Variants in ANTXR1 observed in about 807,000 individuals in gnomAD.
ANTXR1 encodes the protein ANTXR cell adhesion molecule 1, also known as anthrax toxin receptor 1.
In ANTXR1, 19 loss-of-function variants were observed where a neutral mutation model predicts 78.1. The ratio of observed to expected loss-of-function variants is 0.24; its 90% CI spans 0.17 to 0.36. The LOEUF (loss-of-function observed/expected upper bound fraction) is 0.36. ANTXR1 is among the 10% of genes least tolerant of loss of function. ANTXR1 has a pLI of 1.00. For missense variants in ANTXR1, 518 were observed against 718.6 expected (o/e 0.72, Z 3.19); for synonymous variants, 273 against 260.5 (o/e 1.05, Z -0.46).
At chr2:69,053,350 A>G (rs1669981332) in intron 3 of ANTXR1, among the ~76,000 whole-genome samples, 2 of 152,172 alleles carry the variant, frequency 1.3e-5, no homozygotes. Context: ...CAAGGCAAAG[A>G]GGAAGATGAA....
At chr2:69,195,553 C>T (rs1410556978) in intron 17 of ANTXR1, among the ~76,000 whole-genome samples, 1 of 152,170 alleles carries the variant, frequency 6.6e-6, no homozygotes, top group Non-Finnish European at 1.5e-5. Flanking sequence ...TGACTTGGCC[C>T]TCATCACATA....
At position 69,013,580 on chromosome 2, in the gene ANTXR1, G is replaced by A. The variant is rs751060260; in HGVS notation, c.81G>A (p.Gly27=). The change falls in exon 1 of 18, where the codon GGG becomes GGA. Residue 27 remains glycine, a synonymous_variant. Coordinates refer to ENST00000303714, the MANE Select transcript of ANTXR1 (RefSeq NM_032208.3). This position sits in a 1 kb window ranked among gnomAD's most constrained non-coding sequence, Gnocchi z 5.0. ...CCACTCTGGTGCTCATCTGCGCCGG[G>A]CAAGGGGGACGCAGGGAGGATGGGG... ...SLATLVLICA[G]QGGRREDGGP... is the part of the protein sequence containing the mutation. 5 of 1,569,160 alleles carry A rather than the reference G, an allele frequency of 3.2e-6. No homozygotes were observed. Among genetic ancestry groups the A allele is most frequent in the Middle Eastern group, 1.7e-4 (1 of 5,976 alleles).
At chr2:69,085,217 G>A (rs1383711700) in intron 8 of ANTXR1, among the ~76,000 whole-genome samples, 2 of 152,062 alleles carry the variant, frequency 1.3e-5, no homozygotes, top group African/African-American at 4.8e-5. Flanking sequence ...TGTTTGTGGC[G>A]CTTCTGTGGG....
At chr2:69,083,892 A>G (rs1670967751) in intron 8 of ANTXR1, among the ~76,000 whole-genome samples, 1 of 152,218 alleles carries the variant, frequency 6.6e-6, no homozygotes, top group South Asian at 2.1e-4. Flanking sequence ...TTTTTTCAAA[A>G]AAATCTTTTG....
chr2:69,232,767 C>A (rs1006982643), intron 17 of ANTXR1, among the ~76,000 whole-genome samples: 2 of 152,038 alleles, frequency 1.3e-5, no homozygotes, highest in African/African-American at 4.8e-5. Flanking sequence ...AACACGGAAT[C>A]TATGAATAAA....
intron 17 of ANTXR1, among the ~76,000 whole-genome samples, chr2:69,234,674 A>T (rs1356132579): frequency 1.3e-5 from 2 of 152,094 alleles, no homozygotes; most frequent in Non-Finnish European, 2.9e-5. Flanking sequence ...GAAGCAGGAG[A>T]ATCGCTTGAA....
At chr2:69,230,440 G>A (rs149460614) in intron 17 of ANTXR1, among the ~76,000 whole-genome samples, 94 of 152,172 alleles carry the variant, frequency 6.2e-4, no homozygotes, top group Middle Eastern at 3.4e-3. Context: ...GCGTAGGGTA[G>A]ACATGGAGAG....
At position 69,044,827 on chromosome 2, in the gene ANTXR1, T is replaced by C; in HGVS notation, c.296+14T>C. On this transcript the variant is annotated intron_variant, in intron 3 of 17. Transcript: ENST00000303714. ...GACAGAAGACAGGTAAGGATACTTC[T>C]TATCTCTGTTGTTAAAAAGTCCATC... 1 of 1,613,044 alleles carries C rather than the reference T, an allele frequency of 6.2e-7. No individual in the cohort carries two copies. Among genetic ancestry groups the C allele is most frequent in the Non-Finnish European group, 8.5e-7 (1 of 1,179,104 alleles).
At chr2:69,085,009 C>A (rs990632542) in intron 8 of ANTXR1, among the ~76,000 whole-genome samples, 1 of 151,952 alleles carries the variant, frequency 6.6e-6, no homozygotes, top group Non-Finnish European at 1.5e-5. Flanking sequence ...CCTGCCACCA[C>A]ACCTGGCTAA....
chr2:69,013,983 G>C lies in ANTXR1; in HGVS notation c.152+332G>C, dbSNP rs913257755. 6.6e-6 allele frequency among the ~76,000 whole-genome samples: 1 copy of C among 152,230 alleles called. No homozygotes were observed. The highest frequency in any genetic ancestry group is 6.6e-5 in the Admixed American group (1 of 15,264). ...TTCTGTGACTCCCTCCCGTGTTGGT[G>C]GGAAAGGCTTGCTTACCAAAGGCAG... On this transcript the variant is annotated intron_variant, in intron 1 of 17. Transcript: ENST00000303714. This position sits in a 1 kb window ranked among gnomAD's most constrained non-coding sequence, Gnocchi z 5.0.
At chr2:69,152,642 C>T (rs1257739790) in intron 13 of ANTXR1, among the ~76,000 whole-genome samples, 2 of 152,164 alleles carry the variant, frequency 1.3e-5, no homozygotes, top group Admixed American at 1.3e-4. Context: ...TGTTGAGTTG[C>T]CCAACCTATA....
chr2:69,197,138 C>G (rs1674684051), intron 17 of ANTXR1, among the ~76,000 whole-genome samples: 1 of 152,196 alleles, frequency 6.6e-6, no homozygotes, highest in African/African-American at 2.4e-5. Context: ...CCCATTGTTC[C>G]TTGGAGCCCA....
chr2:69,033,455 A>G (rs959356127), intron 1 of ANTXR1, among the ~76,000 whole-genome samples: 1 of 152,220 alleles, frequency 6.6e-6, no homozygotes, highest in African/African-American at 2.4e-5. Context: ...CAAAGAGTAG[A>G]AGCAAAATAA....
intron 5 of ANTXR1, among the ~76,000 whole-genome samples, chr2:69,072,497 T>C (rs943273462): frequency 6.6e-6 from 1 of 152,234 alleles, no homozygotes; most frequent in Non-Finnish European, 1.5e-5. Flanking sequence ...TGAATGTTGA[T>C]ATGAGAAGCC....
intron 17 of ANTXR1, among the ~76,000 whole-genome samples, chr2:69,195,272 C>T (rs1674644600): frequency 6.6e-6 from 1 of 152,010 alleles, no homozygotes; most frequent in Admixed American, 6.6e-5. Context: ...ATGGTTGATA[C>T]AGAACTTCAA....
chr2:69,110,300 G>A (rs1011588656), intron 10 of ANTXR1, among the ~76,000 whole-genome samples: 2 of 152,156 alleles, frequency 1.3e-5, no homozygotes, highest in Non-Finnish European at 2.9e-5. Flanking sequence ...AGGTGACTGG[G>A]AATGTTTACA....
intron 17 of ANTXR1, among the ~76,000 whole-genome samples, chr2:69,213,541 A>G (rs1312479461): frequency 6.6e-6 from 1 of 152,256 alleles, no homozygotes; most frequent in Non-Finnish European, 1.5e-5. Context: ...TGCAACAGAT[A>G]TCTTCCCACA....
chr2:69,208,932 C>T (rs1438832563), intron 17 of ANTXR1, among the ~76,000 whole-genome samples: 4 of 152,152 alleles, frequency 2.6e-5, no homozygotes, highest in Admixed American at 2.0e-4. Context: ...GATGGCATCC[C>T]ATTCTCTTAA....
At chr2:69,198,717 C>T (rs1674712152) in intron 17 of ANTXR1, among the ~76,000 whole-genome samples, 3 of 152,330 alleles carry the variant, frequency 2.0e-5, no homozygotes, top group East Asian at 1.9e-4. Context: ...AGAGAACATA[C>T]ATTTTCACAA....
Sources: allele counts gnomAD v4.1 joint callset (sites outside exome capture counted in the v4.1 genomes callset), GRCh38; gene constraint gnomAD v4.1.1; non-coding constraint Gnocchi (gnomAD v3.1); transcripts MANE v1.5; gene names NCBI Gene and HGNC (gene_info 2026-07-23, HGNC 2026-07-21).